Variants in CD9 observed in about 807,000 individuals in gnomAD.
CD9 encodes the protein CD9 antigen.
A neutral mutation model predicts 31.4 loss-of-function variants in CD9; 10 were observed. The ratio of observed to expected loss-of-function variants is 0.32; its 90% CI spans 0.20 to 0.54. CD9 has a LOEUF of 0.54. Among genes scored for constraint, CD9 ranks in the 20% least tolerant of loss-of-function variants. The pLI is 0.94. For synonymous variants in CD9, 113 were observed against 114.1 expected (o/e 0.99, Z 0.06); for missense variants, 259 against 300.1 (o/e 0.86, Z 1.01).
intron 1 of CD9, among the ~76,000 whole-genome samples, chr12:6,209,975 G>T (rs1374726581): frequency 6.6e-6 from 1 of 152,130 alleles, no homozygotes; most frequent in Non-Finnish European, 1.5e-5. Context: ...GTGAGTCACC[G>T]CGCCCAGCTG....
intron 1 of CD9, among the ~76,000 whole-genome samples, chr12:6,215,263 G>A (rs565500445): frequency 1.8e-4 from 27 of 152,258 alleles, no homozygotes; most frequent in South Asian, 6.2e-4. Flanking sequence ...CAGGCTTTTC[G>A]GCACTGGCAT....
At position 6,237,744 on chromosome 12, in the gene CD9, GTTTCTT is replaced by G; in HGVS notation, c.622-18_622-13del. ...CAGATCAAACCACCCTGATCCTCAT[GTTTCTT>G]CCTATCTCCTAGATATTTGGCATGA... On this transcript the variant is annotated splice_polypyrimidine_tract_variant and intron_variant, in intron 7 of 7. Transcript: ENST00000009180. The G allele has an allele frequency of 6.2e-7, 1 of 1,602,302 alleles. No homozygotes were observed. The highest frequency in any genetic ancestry group is 8.6e-7 in the Non-Finnish European group (1 of 1,169,580).
At chr12:6,217,432 G>C (rs546873583) in intron 1 of CD9, among the ~76,000 whole-genome samples, 1 of 152,296 alleles carries the variant, frequency 6.6e-6, no homozygotes, top group Admixed American at 6.5e-5. Context: ...TTGAGAGACT[G>C]AAGTAGGAGG....
chr12:6,231,356 C>A (rs994102647), intron 2 of CD9, among the ~76,000 whole-genome samples: 1 of 152,202 alleles, frequency 6.6e-6, no homozygotes, highest in Non-Finnish European at 1.5e-5. Context: ...AGATAGAAAA[C>A]TGTTGCACAG....
chr12:6,218,051 T>A (rs1946259248), intron 1 of CD9, among the ~76,000 whole-genome samples: 1 of 152,000 alleles, frequency 6.6e-6, no homozygotes, highest in Admixed American at 6.6e-5. Context: ...ATGGGGAAAC[T>A]TCATCTCTAC....
In CD9 at chr12:6,227,639, C is replaced by G. The variant is rs184773026; in HGVS notation, c.175+2105C>G. Among the ~76,000 whole-genome samples, 163 of 152,318 alleles carry G rather than the reference C, an allele frequency of 1.1e-3. No individual in the cohort carries two copies. The Middle Eastern group carries it at 0.014, about 13-fold the overall frequency. On this transcript the variant is annotated intron_variant, in intron 2 of 7. Transcript: ENST00000009180. ...AGTGCAGAAACCGAGGCCTAGAGAG[C>G]TGAAATAACTTGTCTAAGCTTATAT...
intron 1 of CD9, among the ~76,000 whole-genome samples, chr12:6,218,795 T>C (rs563105039): frequency 3.9e-4 from 60 of 152,200 alleles, no homozygotes; most frequent in African/African-American, 1.4e-3. Context: ...TGAGTGGGTG[T>C]GGCAAGGGAT....
At position 6,232,672 on chromosome 12, in the gene CD9, G is replaced by C. The variant is rs1946462895; in HGVS notation, c.216G>C (p.Leu72=). ...TCGGAGCCGGCGCCCTCATGATGCT[G>C]GTGGGCTTCCTGGGCTGCTGCGGGG... The part of the protein sequence containing the change: ...ILIGAGALMM[L]VGFLGCCGAV... Residue 72 remains leucine, a synonymous_variant, in exon 3 of 8, where the codon CTG becomes CTC. Transcript: ENST00000009180. This position sits in a 1 kb window ranked among gnomAD's most constrained non-coding sequence, Gnocchi z 4.8. The C allele has an allele frequency of 6.3e-7, 1 of 1,582,802 alleles. No individual in the cohort carries two copies. Among genetic ancestry groups the C allele is most frequent in the African/African-American group, 1.3e-5 (1 of 74,482 alleles).
chr12:6,207,868 A>G (rs1222702403), intron 1 of CD9, among the ~76,000 whole-genome samples: 1 of 152,214 alleles, frequency 6.6e-6, no homozygotes, highest in Admixed American at 6.5e-5. Flanking sequence ...TTCCTCTTCA[A>G]TCCTTAAGCC....
At chr12:6,210,722 A>G (rs541606012) in intron 1 of CD9, among the ~76,000 whole-genome samples, 1 of 152,348 alleles carries the variant, frequency 6.6e-6, no homozygotes, top group East Asian at 1.9e-4. Flanking sequence ...GAAATGGATC[A>G]AAAACACAAA....
At chr12:6,206,576 T>G (rs1409750381) in intron 1 of CD9, among the ~76,000 whole-genome samples, 1 of 152,196 alleles carries the variant, frequency 6.6e-6, no homozygotes, top group Non-Finnish European at 1.5e-5. Context: ...CTTGCCTGTT[T>G]TATTCCATGG....
At chr12:6,218,028 C>T (rs958448970) in intron 1 of CD9, among the ~76,000 whole-genome samples, 2 of 152,098 alleles carry the variant, frequency 1.3e-5, no homozygotes, top group African/African-American at 4.8e-5. Context: ...AGTTCGAGAC[C>T]AGCCTGGACA....
chr12:6,207,494 A>G lies in CD9; in HGVS notation c.66+6929A>G, dbSNP rs193157724. 2.7e-3 allele frequency among the ~76,000 whole-genome samples: 405 copies of G among 152,358 alleles called. 2 individuals are homozygous for G. The highest frequency in any genetic ancestry group is 9.4e-3 in the African/African-American group (390 of 41,584). On this transcript the variant is annotated intron_variant, in intron 1 of 7. Transcript: ENST00000009180. ...TGCTCTGTATTTCTAGTACACACGA[A>G]AAATGCAACTGTATGATCTTCCAGC...
chr12:6,237,332 C>T (rs1025355696), intron 7 of CD9, among the ~76,000 whole-genome samples: 1 of 151,914 alleles, frequency 6.6e-6, no homozygotes, highest in Non-Finnish European at 1.5e-5. Flanking sequence ...CCGAGGCAGG[C>T]GGATCGCACC....
chr12:6,219,282 A>G (rs1228034030), intron 1 of CD9, among the ~76,000 whole-genome samples: 1 of 152,184 alleles, frequency 6.6e-6, no homozygotes, highest in Non-Finnish European at 1.5e-5. Flanking sequence ...CTGGGATTAC[A>G]GGCATGAGCC....
intron 2 of CD9, among the ~76,000 whole-genome samples, chr12:6,230,444 G>T (rs1356625953): frequency 6.6e-6 from 1 of 152,254 alleles, no homozygotes; most frequent in Non-Finnish European, 1.5e-5. Context: ...GGACCGCCAG[G>T]TTCAAGAACT....
chr12:6,233,205 G>T, intron 3 of CD9: 1 of 634,986 alleles, frequency 1.6e-6, no homozygotes, highest in East Asian at 2.7e-5. Context: ...TCATGTCCGG[G>T]CACCTTGCCT....
intron 1 of CD9, among the ~76,000 whole-genome samples, chr12:6,220,389 G>C (rs985194242): frequency 2.6e-5 from 4 of 152,186 alleles, no homozygotes; most frequent in African/African-American, 9.7e-5. Flanking sequence ...TTCAGCAAAA[G>C]TCTTAAGACT....
intron 7 of CD9, 149 bp from the exon 8 acceptor site, chr12:6,237,614 C>T: frequency 1.8e-6 from 1 of 550,958 alleles, no homozygotes; most frequent in Admixed American, 3.1e-5. Context: ...TGCATCTCTC[C>T]TGCTTCAGCA....
Sources: allele counts gnomAD v4.1 joint callset (sites outside exome capture counted in the v4.1 genomes callset), GRCh38; gene constraint gnomAD v4.1.1; non-coding constraint Gnocchi (gnomAD v3.1); transcripts MANE v1.5; gene names NCBI Gene and HGNC (gene_info 2026-07-23, HGNC 2026-07-21).